The following ASPH variants were observed in gnomAD, a reference collection of about 807,000 sequenced individuals.
The protein encoded by ASPH is aspartyl/asparaginyl beta-hydroxylase.
ASPH carries 100 observed loss-of-function variants against 118.4 expected under a neutral mutation model. That is an observed-to-expected ratio of 0.84 (90% confidence interval 0.72 to 1.00). The LOEUF is 1.00. Ranked by LOEUF, ASPH falls within the 50% of genes least tolerant of loss-of-function variation. The pLI, the probability that ASPH is intolerant of heterozygous loss-of-function variation, is 0.00. For missense variants in ASPH, 920 were observed against 919.5 expected, an observed-to-expected ratio of 1.00 and a Z score of -0.01; for synonymous variants, 315 against 325.6, an observed-to-expected ratio of 0.97 and a Z score of 0.35.
chr8:61,661,139 T>TG (rs2151277864), intron 3 of ASPH: 1 of 152,312 alleles, frequency 6.6e-6, no homozygotes, highest in African/African-American at 2.4e-5. Context: ...GCCCCCTCAA[T>TG]GATCTCAATA....
intron 20 of ASPH, among the ~76,000 whole-genome samples, chr8:61,551,917 G>A (rs946927967): frequency 6.6e-6 from 1 of 152,160 alleles, no homozygotes; most frequent in African/African-American, 2.4e-5. Context: ...TGGTAGGTTA[G>A]AGGGGGAAAG....
intron 3 of ASPH, chr8:61,664,490 C>T (rs1818483899): frequency 2.0e-6 from 2 of 984,526 alleles, no homozygotes; most frequent in Non-Finnish European, 1.2e-6. Flanking sequence ...CCACAGTTCT[C>T]GGAGCAGTGT....
In ASPH at chr8:61,500,913, A is replaced by ATATT. The variant is rs1804770756; in HGVS notation, c.*2442_*2445dup. The ATATT allele has an allele frequency of 6.6e-6, 1 of 152,220 alleles. No homozygotes were observed. Among genetic ancestry groups the ATATT allele is most frequent in the African/African-American group, 2.4e-5 (1 of 41,456 alleles). 9.4% of individuals were successfully genotyped at this position (152,220 alleles called of 1,614,324 possible). On this transcript the variant is annotated 3_prime_UTR_variant, in exon 25 of 25. Coordinates refer to ENST00000379454, the MANE Select transcript of ASPH (RefSeq NM_004318.4). The stretch of plus-strand genomic sequence containing the variant: ...CAACTGGTCATAATCACCCCTGATA[A>ATATT]TATTATTACTAATCTTAATTATTTA...
chr8:61,637,392 A>T (rs1858308570), intron 12 of ASPH, among the ~76,000 whole-genome samples: 1 of 152,196 alleles, frequency 6.6e-6, no homozygotes, highest in Non-Finnish European at 1.5e-5. Flanking sequence ...TACTACGAGG[A>T]GCAACTGAAA....
chr8:61,543,575 G>A (rs1357036288), intron 21 of ASPH, among the ~76,000 whole-genome samples: 1 of 152,088 alleles, frequency 6.6e-6, no homozygotes, highest in Non-Finnish European at 1.5e-5. Context: ...ACATACTGAC[G>A]ATAGCTGACT....
intron 13 of ASPH, chr8:61,628,377 C>G (rs1853972588): frequency 3.3e-6 from 1 of 304,124 alleles, no homozygotes; most frequent in African/African-American, 2.5e-5. Flanking sequence ...CTATGTTGCC[C>G]AGGCTGGTCT....
chr8:61,574,683 C>T (rs1336259969), intron 16 of ASPH, among the ~76,000 whole-genome samples: 1 of 152,112 alleles, frequency 6.6e-6, no homozygotes, highest in Non-Finnish European at 1.5e-5. Flanking sequence ...CAACATCACA[C>T]ACCGCGGCCT....
chr8:61,675,789 C>A (rs778392547), intron 3 of ASPH: 1 of 1,195,240 alleles, frequency 8.4e-7, no homozygotes, highest in Non-Finnish European at 1.0e-6. Flanking sequence ...TGAGTTGAAA[C>A]AAAACGATAC....
intron 22 of ASPH, among the ~76,000 whole-genome samples, chr8:61,522,265 T>C (rs1404174665): frequency 1.3e-5 from 2 of 152,184 alleles, no homozygotes; most frequent in African/African-American, 4.8e-5. Context: ...GGATACTGTA[T>C]CAGTTCGCTA....
At chr8:61,642,188 C>T (rs373955393) in intron 10 of ASPH, among the ~76,000 whole-genome samples, 5 of 152,226 alleles carry the variant, frequency 3.3e-5, no homozygotes, top group East Asian at 3.8e-4. Flanking sequence ...GAACACAGTG[C>T]TTCTTAACCT....
intron 1 of ASPH, among the ~76,000 whole-genome samples, chr8:61,705,757 C>T (rs1397058261): frequency 1.3e-5 from 2 of 151,900 alleles, no homozygotes; most frequent in Admixed American, 6.6e-5. Flanking sequence ...CAATTCACTA[C>T]GTGAAAATTT....
chr8:61,704,779 G>A (rs1173335720), intron 1 of ASPH, among the ~76,000 whole-genome samples: 3 of 152,026 alleles, frequency 2.0e-5, no homozygotes, highest in East Asian at 1.9e-4. Flanking sequence ...AAGAAGCCAC[G>A]GCATACCCAC....
At chr8:61,528,976 A>G (rs779724483) in intron 21 of ASPH, among the ~76,000 whole-genome samples, 6 of 152,232 alleles carry the variant, frequency 3.9e-5, no homozygotes, top group Non-Finnish European at 8.8e-5. Flanking sequence ...CATTTTGATT[A>G]TAAAACAGTC....
chr8:61,551,954 C>A (rs773189774), intron 20 of ASPH, among the ~76,000 whole-genome samples: 2 of 152,140 alleles, frequency 1.3e-5, no homozygotes, highest in Non-Finnish European at 2.9e-5. Flanking sequence ...ATGTATAAAT[C>A]AAAAATTGTC....
At chr8:61,509,135 G>C (rs1807819357) in intron 24 of ASPH, among the ~76,000 whole-genome samples, 1 of 151,396 alleles carries the variant, frequency 6.6e-6, no homozygotes, top group African/African-American at 2.5e-5. Flanking sequence ...AAAAAGAAGG[G>C]GAAAAGGGAA....
intron 21 of ASPH, among the ~76,000 whole-genome samples, chr8:61,539,033 G>A (rs959543007): frequency 2.6e-5 from 4 of 152,094 alleles, no homozygotes; most frequent in Non-Finnish European, 5.9e-5. Context: ...CCTGAGGTCC[G>A]GAGTTTGAGA....
intron 10 of ASPH, 134 bp from the exon 11 acceptor site, chr8:61,638,497 A>G (rs2150894471): frequency 1.3e-6 from 1 of 743,924 alleles, no homozygotes; most frequent in South Asian, 1.8e-5. Context: ...GAAACAGCCG[A>G]CTAGAGAGTA....
At chr8:61,557,376 G>A (rs1828253719) in intron 18 of ASPH, among the ~76,000 whole-genome samples, 1 of 152,074 alleles carries the variant, frequency 6.6e-6, no homozygotes, top group South Asian at 2.1e-4. Flanking sequence ...ACTTCTTGCT[G>A]CTCCACAGCA....
intron 18 of ASPH, among the ~76,000 whole-genome samples, chr8:61,558,898 C>A (rs551234640): frequency 6.6e-6 from 1 of 152,290 alleles, no homozygotes; most frequent in Non-Finnish European, 1.5e-5. Flanking sequence ...TGAGACAAGA[C>A]CAACTCCCCC....
Sources: gnomAD v4.1 joint callset for allele counts (sites outside exome capture counted in the v4.1 genomes callset) on GRCh38, gnomAD v4.1.1 for gene constraint, MANE v1.5 for transcripts, NCBI Gene and HGNC (gene_info 2026-07-23, HGNC 2026-07-21) for gene names.